Variants in DAB1 observed in about 807,000 individuals in gnomAD.
DAB1 encodes the protein DAB adaptor protein 1, also known as disabled homolog 1.
DAB1 carries 15 observed loss-of-function variants against 64.6 expected under a neutral mutation model. The ratio of observed to expected loss-of-function variants is 0.23; its 90% CI spans 0.16 to 0.36. The LOEUF (loss-of-function observed/expected upper bound fraction) is 0.36. Among genes scored for constraint, DAB1 ranks in the 10% least tolerant of loss-of-function variants. The pLI is 1.00. For missense variants in DAB1, 596 were observed against 706.7 expected, an observed-to-expected ratio of 0.84 and a Z score of 1.78; for synonymous variants, 235 against 251.9, an observed-to-expected ratio of 0.93 and a Z score of 0.64.
At chr1:57,100,450 C>T (rs575164547) in intron 4 of DAB1, among the ~76,000 whole-genome samples, 1 of 152,140 alleles carries the variant, frequency 6.6e-6, no homozygotes, top group Admixed American at 6.5e-5. Context: ...TGGTTAATAC[C>T]CAGTCTCCAT....
chr1:57,061,919 G>T (rs1417513274), intron 9 of DAB1, among the ~76,000 whole-genome samples: 1 of 152,138 alleles, frequency 6.6e-6, no homozygotes, highest in Non-Finnish European at 1.5e-5. Flanking sequence ...TGACTTTAAA[G>T]CACCTTCTCT....
At chr1:58,075,510 C>A (rs1035384338) in intron 5 of DAB1, among the ~76,000 whole-genome samples, 1 of 152,216 alleles carries the variant, frequency 6.6e-6, no homozygotes, top group Non-Finnish European at 1.5e-5. Context: ...GATGATAAGG[C>A]AGAGAGCTCC....
intron 7 of DAB1, among the ~76,000 whole-genome samples, chr1:57,629,795 A>G (rs1327535755): frequency 6.6e-6 from 1 of 151,024 alleles, no homozygotes; most frequent in East Asian, 1.9e-4. Flanking sequence ...GAGGCCTTCT[A>G]GACCCACGGA....
chr1:58,187,614 T>G (rs1478738804), intron 4 of DAB1, among the ~76,000 whole-genome samples: 1 of 150,424 alleles, frequency 6.6e-6, no homozygotes, highest in African/African-American at 2.4e-5. Context: ...AGTTGCACTC[T>G]TGTCACCCAG....
chr1:57,005,351 G>C (rs995458464), intron 14 of DAB1, among the ~76,000 whole-genome samples: 1 of 152,200 alleles, frequency 6.6e-6, no homozygotes, highest in Non-Finnish European at 1.5e-5. Flanking sequence ...AAGCAGGAAG[G>C]CCTTTTCTGA....
At chr1:58,264,749 C>A (rs1661123236) in intron 4 of DAB1, among the ~76,000 whole-genome samples, 1 of 152,288 alleles carries the variant, frequency 6.6e-6, no homozygotes, top group Admixed American at 6.5e-5. Flanking sequence ...AATCACGTGG[C>A]ACCATCTAAA....
At chr1:58,012,844 A>T (rs12021624) in intron 5 of DAB1, among the ~76,000 whole-genome samples, 28,935 of 152,122 alleles carry the variant, frequency 0.19, 3,247 homozygotes, top group East Asian at 0.34. Context: ...TAGAAGCCAG[A>T]ATCGACTAAG....
intron 9 of DAB1, among the ~76,000 whole-genome samples, chr1:57,047,321 G>A (rs1057402928): frequency 1.3e-5 from 2 of 152,170 alleles, no homozygotes; most frequent in African/African-American, 4.8e-5. Flanking sequence ...GTTAAGGACT[G>A]GATGTTTGGG....
At chr1:57,218,077 G>A (rs113357476) in intron 2 of DAB1, among the ~76,000 whole-genome samples, 3 of 152,262 alleles carry the variant, frequency 2.0e-5, no homozygotes, top group Non-Finnish European at 2.9e-5. Flanking sequence ...ATACCATGCT[G>A]TAGGAATGCA....
chr1:58,000,671 A>T (rs573771192), intron 5 of DAB1, among the ~76,000 whole-genome samples: 2 of 149,548 alleles, frequency 1.3e-5, no homozygotes, highest in African/African-American at 4.9e-5. Context: ...CATGGGTTCA[A>T]GTGATTCTTG....
chr1:58,307,121 G>A (rs778070393), intron 4 of DAB1, among the ~76,000 whole-genome samples: 10 of 152,080 alleles, frequency 6.6e-5, no homozygotes, highest in East Asian at 3.9e-4. Context: ...AAACAATAAC[G>A]TTTTATTGAC....
At chr1:57,059,411 T>A (rs1217503233) in intron 9 of DAB1, among the ~76,000 whole-genome samples, 1 of 152,152 alleles carries the variant, frequency 6.6e-6, no homozygotes, top group East Asian at 1.9e-4. Flanking sequence ...GCAGTTTCTC[T>A]TCTTATGGGA....
At chr1:57,665,631 T>C (rs1646437419) in intron 6 of DAB1, among the ~76,000 whole-genome samples, 1 of 152,134 alleles carries the variant, frequency 6.6e-6, no homozygotes, top group Non-Finnish European at 1.5e-5. Flanking sequence ...ATAGTGACAT[T>C]TTCATTTCAG....
intron 4 of DAB1, among the ~76,000 whole-genome samples, chr1:58,261,651 A>C (rs1241858381): frequency 1.3e-5 from 2 of 152,180 alleles, no homozygotes; most frequent in Non-Finnish European, 2.9e-5. Flanking sequence ...AGAGTGAGAA[A>C]AAATGATTGC....
chr1:57,693,574 G>A (rs1247958282), intron 6 of DAB1, among the ~76,000 whole-genome samples: 1 of 152,196 alleles, frequency 6.6e-6, no homozygotes, highest in Non-Finnish European at 1.5e-5. Flanking sequence ...GGCTAACCAA[G>A]ACAGCAGCGG....
Position 57,397,658 on chromosome 1 carries a change from C to G in DAB1, c.-137+26272G>C, listed in dbSNP as rs374031216. Among the ~76,000 whole-genome samples the G allele has an allele frequency of 2.0e-3, 298 of 152,322 alleles. 2 individuals are homozygous for G. The highest frequency in any genetic ancestry group is 6.8e-3 in the African/African-American group (282 of 41,578). On this transcript the variant is annotated intron_variant, in intron 1 of 14. Transcript: ENST00000371236. Reference sequence around the variant, plus strand: ...CCACTGGCTCTCCACAGGGCAGAGACAGGAATTCATGATCAACTTTTTCTT... The same window carrying G: ...CCACTGGCTCTCCACAGGGCAGAGAGAGGAATTCATGATCAACTTTTTCTT...
chr1:58,124,863 T>C (rs1050656776), intron 5 of DAB1, among the ~76,000 whole-genome samples: 5 of 152,192 alleles, frequency 3.3e-5, no homozygotes, highest in Non-Finnish European at 7.3e-5. Flanking sequence ...CAATTAGCAA[T>C]GTACCCAGTA....
At chr1:58,494,742 T>G (rs1645765511) in intron 3 of DAB1, among the ~76,000 whole-genome samples, 1 of 152,058 alleles carries the variant, frequency 6.6e-6, no homozygotes, top group South Asian at 2.1e-4. Context: ...CCAGTTAGAA[T>G]GGCGATCATT....
intron 5 of DAB1, among the ~76,000 whole-genome samples, chr1:58,015,926 C>T (rs1434648028): frequency 2.0e-5 from 3 of 152,052 alleles, no homozygotes; most frequent in Non-Finnish European, 4.4e-5. Flanking sequence ...CCTTTCTCTG[C>T]ATCAGGGTAT....
Sources: gnomAD v4.1 joint callset for allele counts (sites outside exome capture counted in the v4.1 genomes callset) on GRCh38, gnomAD v4.1.1 for gene constraint, MANE v1.5 for transcripts, NCBI Gene and HGNC (gene_info 2026-07-23, HGNC 2026-07-21) for gene names.